Variants in CHST8 observed in about 807,000 individuals in gnomAD.
CHST8 encodes the protein GALNAC-4-ST1.
Under a neutral mutation model 15.0 loss-of-function variants are expected in CHST8, and 10 were observed. The observed-to-expected ratio is 0.67, with a 90% confidence interval of 0.41 to 1.13. CHST8 has a LOEUF of 1.13. Among genes scored for constraint, CHST8 ranks in the 50% most tolerant of loss-of-function variants. The pLI, the probability that CHST8 is intolerant of heterozygous loss-of-function variation, is 0.00. For synonymous variants in CHST8, 259 were observed against 256.6 expected (o/e 1.01, Z -0.09); for missense variants, 634 against 608.2 (o/e 1.04, Z -0.45).
chr19:33,743,635 G>A (rs186810711), intron 3 of CHST8, among the ~76,000 whole-genome samples: 5 of 152,066 alleles, frequency 3.3e-5, no homozygotes, highest in African/African-American at 1.2e-4. Flanking sequence ...GCTTCATTGA[G>A]TGTGGGCATT....
intron 2 of CHST8, among the ~76,000 whole-genome samples, chr19:33,668,551 G>A (rs1030570022): frequency 1.3e-5 from 2 of 152,162 alleles, no homozygotes; most frequent in African/African-American, 4.8e-5. Context: ...GCTCTCCAGG[G>A]AGGTGGAAGG....
intron 2 of CHST8, among the ~76,000 whole-genome samples, chr19:33,685,379 A>G (rs1351069017): frequency 1.3e-5 from 2 of 151,038 alleles, no homozygotes; most frequent in Non-Finnish European, 2.9e-5. Context: ...TCTTAAAGTA[A>G]AAATTGGTGA....
chr19:33,678,428 A>T (rs1972837843), intron 2 of CHST8, among the ~76,000 whole-genome samples: 1 of 152,110 alleles, frequency 6.6e-6, no homozygotes, highest in Non-Finnish European at 1.5e-5. Flanking sequence ...TTTTGAGATG[A>T]GCTCCAGGGA....
chr19:33,625,344 G>C (rs113664468), intron 1 of CHST8, among the ~76,000 whole-genome samples: 8,481 of 151,900 alleles, frequency 0.056, 291 homozygotes, highest in African/African-American at 0.096. Context: ...GCCTCCCAGA[G>C]TGTTGGGATT....
At chr19:33,768,877 T>C (rs1419526277) in intron 3 of CHST8, among the ~76,000 whole-genome samples, 1 of 152,360 alleles carries the variant, frequency 6.6e-6, no homozygotes, top group African/African-American at 2.4e-5. Flanking sequence ...AAGATGTTAC[T>C]GATCTCTCTT....
At chr19:33,637,051 A>G (rs1972213740) in intron 1 of CHST8, among the ~76,000 whole-genome samples, 2 of 152,338 alleles carry the variant, frequency 1.3e-5, no homozygotes, top group East Asian at 3.9e-4. Flanking sequence ...TTTAGACCAT[A>G]GAGGGTAACT....
chr19:33,690,914 G>T (rs553083121), intron 3 of CHST8, among the ~76,000 whole-genome samples: 8 of 152,238 alleles, frequency 5.3e-5, no homozygotes, highest in African/African-American at 1.9e-4. Flanking sequence ...CTGACTGGGT[G>T]TGTCCTTGGT....
intron 3 of CHST8, among the ~76,000 whole-genome samples, chr19:33,755,094 A>AC (rs946479373): frequency 6.6e-6 from 1 of 151,854 alleles, no homozygotes; most frequent in African/African-American, 2.4e-5. Context: ...CCACCCATGC[A>AC]CCCCCCAGGG....
At chr19:33,721,977 CTGTT>C (rs1285323063) in intron 3 of CHST8, among the ~76,000 whole-genome samples, 1 of 111,298 alleles carries the variant, frequency 9.0e-6, no homozygotes, top group Non-Finnish European at 1.8e-5. Flanking sequence ...GGATGGATGG[CTGTT>C]TGGATGGATG....
intron 3 of CHST8, among the ~76,000 whole-genome samples, chr19:33,758,153 G>T (rs938073948): frequency 6.6e-6 from 1 of 151,702 alleles, no homozygotes; most frequent in African/African-American, 2.4e-5. Flanking sequence ...GGGCACACAG[G>T]ATGACCCCTC....
At chr19:33,750,906 C>T (rs559604612) in intron 3 of CHST8, among the ~76,000 whole-genome samples, 2 of 151,994 alleles carry the variant, frequency 1.3e-5, no homozygotes, top group South Asian at 4.2e-4. Context: ...ACCCCCACCC[C>T]CACCCAGCCC....
At chr19:33,734,915 A>G (rs1442577906) in intron 3 of CHST8, among the ~76,000 whole-genome samples, 5 of 152,196 alleles carry the variant, frequency 3.3e-5, no homozygotes, top group Admixed American at 3.3e-4. Flanking sequence ...TGACCCCAGC[A>G]TCAAGCTGAA....
intron 3 of CHST8, among the ~76,000 whole-genome samples, chr19:33,743,337 T>C (rs1025374136): frequency 6.7e-6 from 1 of 148,502 alleles, no homozygotes; most frequent in South Asian, 2.2e-4. Context: ...AGTCTCGCTG[T>C]TACCCAGGTT....
intron 3 of CHST8, among the ~76,000 whole-genome samples, chr19:33,695,010 T>G (rs572622881): frequency 1.3e-5 from 2 of 150,966 alleles, no homozygotes; most frequent in Non-Finnish European, 3.0e-5. Context: ...GGCTGGTGTA[T>G]AGTCTTGCCA....
chr19:33,625,526 G>T (rs62102232), intron 1 of CHST8, among the ~76,000 whole-genome samples: 2 of 151,958 alleles, frequency 1.3e-5, no homozygotes, highest in Non-Finnish European at 2.9e-5. Context: ...AATGTGACCC[G>T]GCAGTGGCAC....
chr19:33,748,872 T>G (rs1393484136), intron 3 of CHST8, among the ~76,000 whole-genome samples: 1 of 152,016 alleles, frequency 6.6e-6, no homozygotes, highest in African/African-American at 2.4e-5. Flanking sequence ...TGGATAAGTG[T>G]GTGACAGGCC....
At chr19:33,642,799 C>T (rs1034939534) in intron 1 of CHST8, among the ~76,000 whole-genome samples, 5 of 152,220 alleles carry the variant, frequency 3.3e-5, no homozygotes, top group Admixed American at 6.5e-5. Context: ...ACGTCTCTAT[C>T]GCTTTATATA....
chr19:33,708,154 C>T (rs75107342), intron 3 of CHST8, among the ~76,000 whole-genome samples: 4,415 of 152,192 alleles, frequency 0.029, 154 homozygotes, highest in African/African-American at 0.081. Flanking sequence ...TATTATTTGA[C>T]TTGCAAATAA....
At chr19:33,682,474 T>C (rs1197722654) in intron 2 of CHST8, among the ~76,000 whole-genome samples, 1 of 152,196 alleles carries the variant, frequency 6.6e-6, no homozygotes, top group African/African-American at 2.4e-5. Flanking sequence ...TACATTCACA[T>C]TGTTGGGCAA....
Sources: allele counts gnomAD v4.1 joint callset (sites outside exome capture counted in the v4.1 genomes callset), GRCh38; gene constraint gnomAD v4.1.1; transcripts MANE v1.5; gene names NCBI Gene and HGNC (gene_info 2026-07-23, HGNC 2026-07-21).